RALGAPA1: variants seen among roughly 807,000 people sequenced by gnomAD.
The protein encoded by RALGAPA1 is ral GTPase-activating protein subunit alpha-1.
In RALGAPA1, 52 loss-of-function variants were observed where a neutral mutation model predicts 269.6. The observed-to-expected ratio is 0.19, with a 90% CI of 0.15 to 0.24. RALGAPA1 has a LOEUF of 0.24. RALGAPA1 is among the 10% of genes least tolerant of loss of function. RALGAPA1 has a pLI of 1.00. For missense variants in RALGAPA1, 1,917 were observed against 3,013.9 expected (o/e 0.64, Z 8.52); for synonymous variants, 817 against 1,008.3 (o/e 0.81, Z 3.60).
At chr14:35,607,538 G>A (rs60835092) in intron 35 of RALGAPA1, among the ~76,000 whole-genome samples, 2,694 of 152,304 alleles carry the variant, frequency 0.018, 83 homozygotes, top group African/African-American at 0.061. Flanking sequence ...TCATAGGGTA[G>A]AGATTCTGCC....
At chr14:35,687,918 TTCC>T (rs2066098873) in intron 18 of RALGAPA1, among the ~76,000 whole-genome samples, 1 of 152,212 alleles carries the variant, frequency 6.6e-6, no homozygotes, top group African/African-American at 2.4e-5. Flanking sequence ...AAGAAATAAT[TTCC>T]TCATCACTGA....
chr14:35,590,248 C>T (rs1264865404), intron 37 of RALGAPA1, among the ~76,000 whole-genome samples: 3 of 152,214 alleles, frequency 2.0e-5, no homozygotes, highest in African/African-American at 4.8e-5. Flanking sequence ...ATTACCTCTA[C>T]CCCACCACTC....
chr14:35,575,398 A>G (rs915005706), intron 37 of RALGAPA1, among the ~76,000 whole-genome samples: 3 of 152,232 alleles, frequency 2.0e-5, no homozygotes, highest in African/African-American at 7.2e-5. Context: ...AAGACAAAGC[A>G]GCTAAATGAA....
intron 13 of RALGAPA1, among the ~76,000 whole-genome samples, chr14:35,725,737 A>T (rs551024006): frequency 6.6e-6 from 1 of 151,952 alleles, no homozygotes; most frequent in Admixed American, 6.6e-5. Flanking sequence ...GTGGTGGCAC[A>T]TGCCTATAGT....
chr14:35,561,835 C>T (rs2056288440), intron 39 of RALGAPA1, among the ~76,000 whole-genome samples: 2 of 151,940 alleles, frequency 1.3e-5, no homozygotes, highest in African/African-American at 4.8e-5. Context: ...TGGCTGAATA[C>T]AGGAGATTTA....
At chr14:35,747,011 GA>G (rs2072180796) in intron 10 of RALGAPA1, among the ~76,000 whole-genome samples, 2 of 151,610 alleles carry the variant, frequency 1.3e-5, no homozygotes, top group Non-Finnish European at 2.9e-5. Flanking sequence ...AAGAAAGAGA[GA>G]AAAACAAACA....
chr14:35,674,408 G>C, intron 23 of RALGAPA1, 108 bp downstream of exon 23: 2 of 1,238,238 alleles, frequency 1.6e-6, no homozygotes, highest in Non-Finnish European at 2.2e-6. Context: ...TGCCATGCAG[G>C]GTACCAGTTT....
intron 17 of RALGAPA1, among the ~76,000 whole-genome samples, chr14:35,695,927 G>T (rs954867452): frequency 6.6e-6 from 1 of 152,158 alleles, no homozygotes; most frequent in East Asian, 1.9e-4. Flanking sequence ...AGAAGCCAAG[G>T]AGTGTACTTG....
chr14:35,602,205 C>T (rs570296835), intron 36 of RALGAPA1, among the ~76,000 whole-genome samples: 6 of 152,274 alleles, frequency 3.9e-5, no homozygotes, highest in African/African-American at 1.2e-4. Flanking sequence ...ACAGTTTAGC[C>T]ATTCATCCAT....
At position 35,700,048 on chromosome 14, in the gene RALGAPA1, C is replaced by A. The variant is rs551288209; in HGVS notation, c.2407+114G>T. 9 of 925,734 alleles carry A rather than the reference C, an allele frequency of 9.7e-6. No individual in the cohort carries two copies. The African/African-American group carries it at 1.5e-4, about 16-fold the overall frequency. 57.3% of individuals were successfully genotyped at this position (925,734 alleles called of 1,614,324 possible). A position where few individuals can be genotyped will look rare whatever the true frequency, so the allele number is the denominator to read the frequency against. On this transcript the variant is annotated intron_variant, in intron 17 of 41. Transcript: ENST00000680220. ...TTTCTCAATCACTTTCCCACTTTCC[C>A]ACACCTCCCCCAAAGAAATTAACTT...
chr14:35,738,743 C>T lies in RALGAPA1; in HGVS notation c.1450-93G>A, dbSNP rs909654118. 8 of 910,866 alleles carry T rather than the reference C, an allele frequency of 8.8e-6. No homozygotes were observed. The African/African-American group carries it at 1.3e-4, about 15-fold the overall frequency. The allele number at this position is 910,866 out of a possible 1,614,324, so 56.4% of individuals were successfully genotyped here. A position where few individuals can be genotyped will look rare whatever the true frequency, so the allele number is the denominator to read the frequency against. ...AAAGGTAAATGAAATTGTTAGGTCCCACTGCTAAACAGGTTTCTTTCTCTC... is the reference window on the plus strand; with the variant it reads ...AAAGGTAAATGAAATTGTTAGGTCCTACTGCTAAACAGGTTTCTTTCTCTC... On this transcript the variant is annotated intron_variant, in intron 11 of 41. Transcript: ENST00000680220.
intron 2 of RALGAPA1, 75 bp downstream of exon 2, chr14:35,775,560 C>A: frequency 6.7e-7 from 1 of 1,482,058 alleles, no homozygotes; most frequent in Non-Finnish European, 8.9e-7. Context: ...ACAATATGTC[C>A]AACAGCCTTT....
intron 16 of RALGAPA1, among the ~76,000 whole-genome samples, chr14:35,719,748 CT>C (rs906195026): frequency 5.3e-5 from 8 of 151,320 alleles, no homozygotes; most frequent in African/African-American, 1.7e-4. Flanking sequence ...ACAATTTCTT[CT>C]TTTTTTTTGA....
intron 37 of RALGAPA1, among the ~76,000 whole-genome samples, chr14:35,587,015 TG>T (rs553612904): frequency 2.0e-5 from 3 of 152,230 alleles, no homozygotes; most frequent in Non-Finnish European, 4.4e-5. Flanking sequence ...TTCTATTGAT[TG>T]GAATAGTTTC....
intron 37 of RALGAPA1, among the ~76,000 whole-genome samples, chr14:35,587,121 T>C (rs1444195739): frequency 6.6e-6 from 1 of 152,238 alleles, no homozygotes; most frequent in Non-Finnish European, 1.5e-5. Flanking sequence ...AGGCTACTAA[T>C]TATTGCCTCA....
At chr14:35,635,377 A>G in intron 32 of RALGAPA1, 87 bp downstream of exon 32, 5 of 1,370,626 alleles carry the variant, frequency 3.6e-6, no homozygotes, top group Non-Finnish European at 4.8e-6. Flanking sequence ...GCTCTAAAAG[A>G]ATAAAAATGT....
chr14:35,804,840 G>T (rs911071295), intron 1 of RALGAPA1, among the ~76,000 whole-genome samples: 5 of 151,738 alleles, frequency 3.3e-5, no homozygotes, highest in Non-Finnish European at 7.4e-5. Flanking sequence ...GAGGAAGGAG[G>T]ATCGCTGGAC....
At chr14:35,754,986 A>G (rs1316131995) in intron 7 of RALGAPA1, among the ~76,000 whole-genome samples, 1 of 152,196 alleles carries the variant, frequency 6.6e-6, no homozygotes, top group Non-Finnish European at 1.5e-5. Context: ...ACTATTCTAT[A>G]ATGACAAAAA....
chr14:35,726,911 C>T (rs1245516069), intron 13 of RALGAPA1, among the ~76,000 whole-genome samples: 1 of 152,118 alleles, frequency 6.6e-6, no homozygotes, highest in Non-Finnish European at 1.5e-5. Flanking sequence ...GGACAAGTTA[C>T]TTAACTTCCC....
Sources: gnomAD v4.1 joint callset for allele counts (sites outside exome capture counted in the v4.1 genomes callset) on GRCh38, gnomAD v4.1.1 for gene constraint, MANE v1.5 for transcripts, NCBI Gene and HGNC (gene_info 2026-07-23, HGNC 2026-07-21) for gene names.